Variants in CAPN5 observed in about 807,000 individuals in gnomAD.
CAPN5 encodes calpain 5, also known as calpain-5.
CAPN5 carries 54 observed loss-of-function variants against 73.0 expected under a neutral mutation model. The observed-to-expected ratio is 0.74, with a 90% CI of 0.59 to 0.93. CAPN5 has a LOEUF of 0.93. CAPN5 is among the 40% of genes least tolerant of loss of function. The probability of loss-of-function intolerance (pLI) is 0.00; values close to 1 mark genes in which losing one functional copy is unlikely to be tolerated. For synonymous variants in CAPN5, 335 were observed against 356.9 expected (o/e 0.94, Z 0.69); for missense variants, 785 against 882.9 (o/e 0.89, Z 1.41).
At chr11:77,103,356 C>T (rs1555039344) in intron 3 of CAPN5, 8 of 1,591,958 alleles carry the variant, frequency 5.0e-6, no homozygotes, top group Admixed American at 1.7e-5. Context: ...TGCTGCTCTC[C>T]TCTAGCCCAC....
chr11:77,085,967 G>A (rs970721970), intron 2 of CAPN5, among the ~76,000 whole-genome samples: 1 of 152,214 alleles, frequency 6.6e-6, no homozygotes, highest in African/African-American at 2.4e-5. Context: ...CCGCAGCCCA[G>A]TAATCAGAGG....
chr11:77,114,376 T>G lies in CAPN5; in HGVS notation c.641T>G (p.Leu214Arg). Residue 214 changes from leucine to arginine, a missense_variant, in exon 5 of 13, where the codon CTC (leucine) becomes CGC (arginine). Coordinates refer to ENST00000648180, the MANE Select transcript of CAPN5 (RefSeq NM_004055.5). ...AACGATGAGACTAAGAGGAACCAGC[T>G]CTTTGAGCGCATGTTAAAGGTGCAC... ...FANDETKRNQ[L>R]FERMLKVHSR... 6.2e-7 allele frequency: 1 copy of G among 1,614,136 alleles called. No homozygotes were observed. Among genetic ancestry groups the G allele is most frequent in the Non-Finnish European group, 8.5e-7 (1 of 1,180,024 alleles).
intron 2 of CAPN5, 41 bp from the exon 3 acceptor site, chr11:77,093,641 G>T (rs781865570): frequency 9.8e-6 from 15 of 1,528,824 alleles, no homozygotes; most frequent in Non-Finnish European, 1.3e-5. Context: ...GCATCCGCAT[G>T]CTCCTCCGCC....
In CAPN5 at chr11:77,112,686, T is replaced by C. The variant is rs782280017; in HGVS notation, c.395T>C (p.Val132Ala). ...HFHFWRFGEW[V>A]DVVIDDRLPT... ...CACTTCTGGCGCTTCGGGGAATGGG[T>C]GGACGTGGTCATCGATGACCGGCTG... The change falls in exon 4 of 13, where the codon GTG becomes GCG. Residue 132 changes from valine to alanine, a missense_variant. Coordinates refer to ENST00000648180, the MANE Select transcript of CAPN5 (RefSeq NM_004055.5). The C allele has an allele frequency of 2.1e-5, 34 of 1,614,018 alleles. No individual in the cohort carries two copies. Among genetic ancestry groups the C allele is most frequent in the Non-Finnish European group, 2.6e-5 (31 of 1,180,026 alleles).
intron 1 of CAPN5, among the ~76,000 whole-genome samples, chr11:77,083,983 A>G (rs571337128): frequency 9.8e-5 from 15 of 152,318 alleles, no homozygotes; most frequent in Non-Finnish European, 2.1e-4. Flanking sequence ...GGAAGAGTAG[A>G]TCGGGGACTG....
rs148819799 is a variant in CAPN5 at position 77,115,314 on chromosome 11, C to T, written c.700-81C>T. 694 of 1,189,122 alleles carry T rather than the reference C, an allele frequency of 5.8e-4. 5 individuals carry two copies. The African/African-American group carries it at 9.1e-3, about 16-fold the overall frequency. 73.7% of individuals were successfully genotyped at this position (1,189,122 alleles called of 1,614,324 possible). Reference sequence around the variant, plus strand: ...TCCCATCCTGTAGGTCCCGTGCAGCCTCCTAGCCCTCCAGCACCTGAGTCC... The same window carrying T: ...TCCCATCCTGTAGGTCCCGTGCAGCTTCCTAGCCCTCCAGCACCTGAGTCC... On this transcript the variant is annotated intron_variant, in intron 5 of 12. Transcript: ENST00000648180.
intron 1 of CAPN5, among the ~76,000 whole-genome samples, chr11:77,082,194 G>C (rs1436079772): frequency 6.6e-6 from 1 of 152,078 alleles, no homozygotes; most frequent in African/African-American, 2.4e-5. Context: ...GCTGCGAGGA[G>C]CTCCGAGCCC....
Position 77,124,158 on chromosome 11 carries a change from G to C in CAPN5, c.*288G>C. On this transcript the variant is annotated 3_prime_UTR_variant, in exon 13 of 13. Coordinates refer to ENST00000648180, the MANE Select transcript of CAPN5 (RefSeq NM_004055.5). Reference sequence around the variant, plus strand: ...CTATCCATTGAGCACATTTTCCTAAGGCCCTGCTGTCTGCCGAGGAGCGCC... The same window carrying C: ...CTATCCATTGAGCACATTTTCCTAACGCCCTGCTGTCTGCCGAGGAGCGCC... 1 of 408,860 alleles carries C rather than the reference G, an allele frequency of 2.4e-6. No individual in the cohort carries two copies. Among genetic ancestry groups the C allele is most frequent in the South Asian group, 4.3e-5 (1 of 23,428 alleles). The allele number at this position is 408,860 out of a possible 1,614,324, so 25.3% of individuals were successfully genotyped here.
At chr11:77,119,255 G>A (rs1950499736) in intron 9 of CAPN5, 103 bp downstream of exon 9, 1 of 1,302,602 alleles carries the variant, frequency 7.7e-7, no homozygotes, top group South Asian at 1.4e-5. Flanking sequence ...CTTGGTCACT[G>A]CCGCTGCCCT....
At chr11:77,088,458 G>T (rs1950114344) in intron 2 of CAPN5, among the ~76,000 whole-genome samples, 1 of 152,158 alleles carries the variant, frequency 6.6e-6, no homozygotes, top group African/African-American at 2.4e-5. Context: ...GTTCAGTGGG[G>T]TCAGGGAGAG....
rs1320717946 is a variant in CAPN5, at chr11:77,120,997, G to C, written c.1487+88G>C. 4.1e-5 allele frequency: 52 copies of C among 1,263,652 alleles called. No homozygotes were observed. The African/African-American group carries it at 6.6e-4, about 16-fold the overall frequency. 78.3% of individuals were successfully genotyped at this position (1,263,652 alleles called of 1,614,324 possible). On this transcript the variant is annotated intron_variant, in intron 10 of 12. Coordinates refer to ENST00000648180, the MANE Select transcript of CAPN5 (RefSeq NM_004055.5). ...GAACCTGCAGCCTCAGAGATGCTCA[G>C]TGTCTCTGGGCCTCCAGCCACTCTG... is the stretch of plus-strand genomic sequence containing the variant.
At chr11:77,102,934 T>G in intron 3 of CAPN5, 2 of 1,612,996 alleles carry the variant, frequency 1.2e-6, no homozygotes, top group Non-Finnish European at 8.5e-7. Context: ...GTGGAGAGCC[T>G]GAAGCAGCGC....
intron 4 of CAPN5, among the ~76,000 whole-genome samples, chr11:77,113,357 A>G (rs1950431391): frequency 6.6e-6 from 1 of 152,178 alleles, no homozygotes. Context: ...GGCACAAGCA[A>G]AGTTTTGCTG....
rs112930670 is a variant in CAPN5, at chr11:77,108,710, G to A, written c.298-3879G>A. Among the ~76,000 whole-genome samples the A allele has an allele frequency of 2.9e-3, 440 of 150,886 alleles. 1 individual carries two copies. The highest frequency in any genetic ancestry group is 9.9e-3 in the African/African-American group (405 of 40,948). Reference sequence around the variant, plus strand: ...TCTCATTTCATCTGTAAATATTTCCGGATGCATCTCTGAAAGATAAGGGCT... The same window carrying A: ...TCTCATTTCATCTGTAAATATTTCCAGATGCATCTCTGAAAGATAAGGGCT... On this transcript the variant is annotated intron_variant, in intron 3 of 12. Transcript: ENST00000648180.
chr11:77,125,589 C>G lies in CAPN5; in HGVS notation c.*1719C>G, dbSNP rs1950566375. 6.7e-6 allele frequency: 1 copy of G among 149,886 alleles called. No homozygotes were observed. Among genetic ancestry groups the G allele is most frequent in the Non-Finnish European group, 1.5e-5 (1 of 67,856 alleles). 9.3% of individuals were successfully genotyped at this position (149,886 alleles called of 1,614,324 possible). A position where few individuals can be genotyped will look rare whatever the true frequency, so the allele number is the denominator to read the frequency against. On this transcript the variant is annotated 3_prime_UTR_variant, in exon 13 of 13. Coordinates refer to ENST00000648180, the MANE Select transcript of CAPN5 (RefSeq NM_004055.5). ...TAAGGGCAAAATAATACCCCTTTCT[C>G]TATGTATCTCTGTATGCACACGCAC... is the stretch of plus-strand genomic sequence containing the variant.
chr11:77,122,979 T>G (rs545836516), intron 12 of CAPN5, among the ~76,000 whole-genome samples: 1 of 152,360 alleles, frequency 6.6e-6, no homozygotes, highest in African/African-American at 2.4e-5. Flanking sequence ...TCATCTCTGC[T>G]GACCTCACCC....
intron 1 of CAPN5, chr11:77,073,283 C>A: frequency 2.5e-6 from 1 of 393,596 alleles, no homozygotes; most frequent in Non-Finnish European, 4.9e-6. Context: ...ACAAGTGTGG[C>A]CAGGTCCTTG....
chr11:77,097,957 T>C (rs1555037807), intron 3 of CAPN5, among the ~76,000 whole-genome samples: 2 of 81,672 alleles, frequency 2.4e-5, no homozygotes, highest in East Asian at 4.2e-4. Flanking sequence ...GCCATTGTCA[T>C]CCTGGCCCGT....
In CAPN5 at chr11:77,111,090, G is replaced by A. The variant is rs146014376; in HGVS notation, c.298-1499G>A. On this transcript the variant is annotated intron_variant, in intron 3 of 12. Coordinates refer to ENST00000648180, the MANE Select transcript of CAPN5 (RefSeq NM_004055.5). ...TGGCTATTGTCCTCATCTGCTTGGG[G>A]GACGCCTGTAGCAGCACTGCGGATG... 7.2e-3 allele frequency among the ~76,000 whole-genome samples: 1,093 copies of A among 152,110 alleles called. 15 individuals carry two copies. The highest frequency in any genetic ancestry group is 0.024 in the African/African-American group (993 of 41,484).
Sources: allele counts gnomAD v4.1 joint callset (sites outside exome capture counted in the v4.1 genomes callset), GRCh38; gene constraint gnomAD v4.1.1; transcripts MANE v1.5; gene names NCBI Gene and HGNC (gene_info 2026-07-23, HGNC 2026-07-21).